CNTN5: variants seen among roughly 807,000 people sequenced by gnomAD.
The protein encoded by CNTN5 is contactin-5.
CNTN5 carries 77 observed loss-of-function variants against 129.1 expected under a neutral mutation model. That is an observed-to-expected ratio of 0.60 (90% CI 0.50 to 0.72). CNTN5 has a LOEUF of 0.72. CNTN5 is among the 30% of genes least tolerant of loss of function. CNTN5 has a pLI of 0.00. For synonymous variants in CNTN5, 509 were observed against 465.6 expected, an observed-to-expected ratio of 1.09 and a Z score of -1.20; for missense variants, 1,478 against 1,328.8, an observed-to-expected ratio of 1.11 and a Z score of -1.75.
intron 1 of CNTN5, among the ~76,000 whole-genome samples, chr11:99,236,371 A>G (rs1432117776): frequency 6.6e-6 from 1 of 152,104 alleles, no homozygotes; most frequent in Admixed American, 6.5e-5. Context: ...GAAGATATGC[A>G]GAGCTACTAG....
At chr11:99,167,023 T>C (rs909547773) in intron 1 of CNTN5, among the ~76,000 whole-genome samples, 1 of 152,172 alleles carries the variant, frequency 6.6e-6, no homozygotes, top group African/African-American at 2.4e-5. Context: ...CTTCTGAGGC[T>C]GCTGTGTACT....
chr11:99,022,920 TTC>T (rs1474953420), intron 1 of CNTN5, among the ~76,000 whole-genome samples: 1 of 152,212 alleles, frequency 6.6e-6, no homozygotes, highest in Admixed American at 6.5e-5. Context: ...TTTAATTTCT[TTC>T]TGATTCCATA....
chr11:99,827,643 C>T (rs373192338), intron 4 of CNTN5, among the ~76,000 whole-genome samples: 1 of 152,148 alleles, frequency 6.6e-6, no homozygotes, highest in Non-Finnish European at 1.5e-5. Context: ...TTCATAGAGA[C>T]AAAGTGTATA....
At chr11:99,169,106 G>A (rs940947424) in intron 1 of CNTN5, among the ~76,000 whole-genome samples, 1 of 152,146 alleles carries the variant, frequency 6.6e-6, no homozygotes, top group African/African-American at 2.4e-5. Flanking sequence ...TAAAGACTGG[G>A]AGTAGCATCT....
At chr11:100,082,454 AT>A (rs1231273717) in intron 13 of CNTN5, among the ~76,000 whole-genome samples, 1 of 151,850 alleles carries the variant, frequency 6.6e-6, no homozygotes, top group Non-Finnish European at 1.5e-5. Context: ...TGCCTGGAAA[AT>A]TTTTTTAATT....
intron 3 of CNTN5, among the ~76,000 whole-genome samples, chr11:99,763,725 A>T (rs1805603149): frequency 6.6e-6 from 1 of 152,234 alleles, no homozygotes; most frequent in African/African-American, 2.4e-5. Context: ...GATTATATTG[A>T]TAACTTAATC....
intron 3 of CNTN5, among the ~76,000 whole-genome samples, chr11:99,736,544 G>A (rs575772100): frequency 8.5e-5 from 13 of 152,272 alleles, no homozygotes; most frequent in African/African-American, 2.6e-4. Context: ...TGTATCTAAT[G>A]TGTTTAATCT....
intron 13 of CNTN5, among the ~76,000 whole-genome samples, chr11:100,098,749 C>T (rs906757447): frequency 1.1e-4 from 16 of 152,156 alleles, no homozygotes; most frequent in Non-Finnish European, 2.1e-4. Context: ...TGTGGTCAGC[C>T]GCAGGTTGAG....
At chr11:99,178,685 A>G (rs1857901236) in intron 1 of CNTN5, among the ~76,000 whole-genome samples, 1 of 152,206 alleles carries the variant, frequency 6.6e-6, no homozygotes, top group Admixed American at 6.5e-5. Flanking sequence ...TTTAAATCAT[A>G]TTAAAAATAA....
At chr11:99,257,992 G>C (rs1862452965) in intron 1 of CNTN5, among the ~76,000 whole-genome samples, 1 of 152,024 alleles carries the variant, frequency 6.6e-6, no homozygotes, top group Non-Finnish European at 1.5e-5. Flanking sequence ...GAAATTTAGT[G>C]AGATGAAATT....
At position 99,642,449 on chromosome 11, in the gene CNTN5, C is replaced by G. The variant is rs548219468; in HGVS notation, c.55+86180C>G. ...GCTGAATTAAGCTTTTTTTATTGATCTTTTTCATTGTTTACTTTGTATTTT... is the reference window on the plus strand; with the variant it reads ...GCTGAATTAAGCTTTTTTTATTGATGTTTTTCATTGTTTACTTTGTATTTT... On this transcript the variant is annotated intron_variant, in intron 3 of 24. Coordinates refer to ENST00000524871, the MANE Select transcript of CNTN5 (RefSeq NM_014361.4). Among the ~76,000 whole-genome samples, 9 of 152,098 alleles carry G rather than the reference C, an allele frequency of 5.9e-5. No homozygotes were observed. The South Asian group carries it at 1.9e-3, about 32-fold the overall frequency.
intron 2 of CNTN5, among the ~76,000 whole-genome samples, chr11:99,515,227 G>A (rs1376042212): frequency 6.6e-6 from 1 of 151,980 alleles, no homozygotes; most frequent in African/African-American, 2.4e-5. Context: ...GCTGAATGTG[G>A]TGTCAGACAA....
intron 9 of CNTN5, among the ~76,000 whole-genome samples, chr11:100,013,524 G>A (rs1439881259): frequency 6.6e-6 from 1 of 152,070 alleles, no homozygotes; most frequent in Non-Finnish European, 1.5e-5. Flanking sequence ...CTTCTACCTT[G>A]TCCTGGATGG....
At chr11:100,295,006 G>C (rs579653) in intron 18 of CNTN5, among the ~76,000 whole-genome samples, 2 of 151,524 alleles carry the variant, frequency 1.3e-5, no homozygotes, top group Non-Finnish European at 3.0e-5. Context: ...AAAACACTGC[G>C]TGAGCTGCAG....
intron 2 of CNTN5, among the ~76,000 whole-genome samples, chr11:99,536,555 C>T (rs954468171): frequency 6.6e-6 from 1 of 151,696 alleles, no homozygotes; most frequent in Non-Finnish European, 1.5e-5. Context: ...GGATATGAAC[C>T]AGAAAAATAC....
intron 16 of CNTN5, among the ~76,000 whole-genome samples, chr11:100,246,520 G>T (rs768119270): frequency 2.0e-5 from 3 of 152,072 alleles, no homozygotes; most frequent in Non-Finnish European, 4.4e-5. Flanking sequence ...CTTGGGTACA[G>T]CTCATAAAAT....
At chr11:99,396,542 A>C (rs1193576363) in intron 2 of CNTN5, among the ~76,000 whole-genome samples, 1 of 151,632 alleles carries the variant, frequency 6.6e-6, no homozygotes, top group East Asian at 1.9e-4. Flanking sequence ...ATTTAAGTGT[A>C]AAACACTTGA....
chr11:100,230,676 C>CTCT (rs1949469130), intron 16 of CNTN5, among the ~76,000 whole-genome samples: 1 of 152,136 alleles, frequency 6.6e-6, no homozygotes, highest in African/African-American at 2.4e-5. Context: ...CAAACTAAAT[C>CTCT]TCTTGTATTT....
At chr11:99,226,817 T>C (rs1482222230) in intron 1 of CNTN5, among the ~76,000 whole-genome samples, 2 of 152,156 alleles carry the variant, frequency 1.3e-5, no homozygotes, top group Admixed American at 6.5e-5. Flanking sequence ...TTGAATTCAA[T>C]TAAAATTCGT....
Sources: gnomAD v4.1 joint callset for allele counts (sites outside exome capture counted in the v4.1 genomes callset) on GRCh38, gnomAD v4.1.1 for gene constraint, MANE v1.5 for transcripts, NCBI Gene and HGNC (gene_info 2026-07-23, HGNC 2026-07-21) for gene names.